Variants in CRISP3 observed in about 807,000 individuals in gnomAD.
CRISP3 encodes the protein cysteine rich secretory protein 3.
Under a neutral mutation model 36.1 loss-of-function variants are expected in CRISP3, and 33 were observed. That is an observed-to-expected ratio of 0.91 (90% CI 0.69 to 1.22). The LOEUF (loss-of-function observed/expected upper bound fraction) is 1.22. Ranked by LOEUF, CRISP3 falls within the 50% of genes most tolerant of loss-of-function variation. The pLI is 0.00. For synonymous variants in CRISP3, 117 were observed against 104.6 expected (o/e 1.12, Z -0.72); for missense variants, 330 against 301.2 (o/e 1.10, Z -0.71).
At position 49,735,513 on chromosome 6, in the gene CRISP3, G is replaced by T; in HGVS notation, c.307C>A (p.Arg103=). Residue 103 remains arginine, a synonymous_variant, in exon 4 of 8, where the codon CGA becomes AGA. Coordinates refer to ENST00000263045, the MANE Select transcript of CRISP3 (RefSeq NM_006061.4). The stretch of plus-strand genomic sequence containing the variant: ...TTCCTAATTTACATACTTGTCATTC[G>T]ATCCTTTGGGTTACTGTGTCTGTAA... ...CNYRHSNPKD[R]MTSLKCGENL... The T allele has an allele frequency of 2.5e-6, 4 of 1,605,956 alleles. No homozygotes were observed. Among genetic ancestry groups the T allele is most frequent in the East Asian group, 2.2e-5 (1 of 44,556 alleles).
chr6:49,732,902 A>G (rs1203095547), intron 6 of CRISP3, among the ~76,000 whole-genome samples: 1 of 152,184 alleles, frequency 6.6e-6, no homozygotes, highest in African/African-American at 2.4e-5. Flanking sequence ...TATTTAGATA[A>G]CTACACACTA....
intron 7 of CRISP3, 81 bp downstream of exon 7, chr6:49,731,082 G>A: frequency 9.9e-7 from 1 of 1,009,202 alleles, no homozygotes; most frequent in Non-Finnish European, 1.5e-6. Context: ...TGCTTAAGTT[G>A]GTTGTCTTCA....
Position 49,728,680 on chromosome 6 carries a change from A to G in CRISP3, c.*50T>C. 1 of 1,464,050 alleles carries G rather than the reference A, an allele frequency of 6.8e-7. No individual in the cohort carries two copies. The highest frequency in any genetic ancestry group is 9.1e-7 in the Non-Finnish European group (1 of 1,097,718). 90.7% of individuals were successfully genotyped at this position (1,464,050 alleles called of 1,614,324 possible). ...ATCTAAGTAGATGCCAAATCTAAGT[A>G]GATAATCTGACTCCTCTCTACATAG... On this transcript the variant is annotated 3_prime_UTR_variant, in exon 8 of 8. Transcript: ENST00000263045.
chr6:49,732,676 G>GAAATAA, intron 6 of CRISP3, among the ~76,000 whole-genome samples: 1 of 151,994 alleles, frequency 6.6e-6, no homozygotes, highest in Non-Finnish European at 1.5e-5. Flanking sequence ...AATATATTGG[G>GAAATAA]GATCTCTTAA....
intron 4 of CRISP3, among the ~76,000 whole-genome samples, chr6:49,734,703 T>C (rs928439277): frequency 2.0e-5 from 3 of 152,140 alleles, no homozygotes; most frequent in Admixed American, 6.6e-5. Context: ...AAATTTATTA[T>C]AGTTTTATAT....
intron 1 of CRISP3, among the ~76,000 whole-genome samples, chr6:49,743,384 A>T (rs1479392139): frequency 2.0e-5 from 3 of 152,170 alleles, no homozygotes; most frequent in Non-Finnish European, 4.4e-5. Context: ...ACTTGTCATC[A>T]ATTTAATTTC....
At chr6:49,741,151 C>CAAA (rs10616289) in intron 1 of CRISP3, among the ~76,000 whole-genome samples, 17,118 of 135,036 alleles carry the variant, frequency 0.13, 1,180 homozygotes, top group African/African-American at 0.18. Context: ...AAAAAACCAC[C>CAAA]AAAAAAAAAA....
intron 1 of CRISP3, among the ~76,000 whole-genome samples, chr6:49,739,323 G>T (rs2127453044): frequency 6.6e-6 from 1 of 152,280 alleles, no homozygotes; most frequent in South Asian, 2.1e-4. Flanking sequence ...ACTCTATTCA[G>T]GATAACATGT....
At chr6:49,736,314 A>T in intron 3 of CRISP3, 77 bp downstream of exon 3, 1 of 890,604 alleles carries the variant, frequency 1.1e-6, no homozygotes, top group Non-Finnish European at 1.8e-6. Context: ...CAAAGTTATT[A>T]AGAGATATTA....
intron 7 of CRISP3, among the ~76,000 whole-genome samples, chr6:49,729,317 A>G (rs1768856546): frequency 6.6e-6 from 1 of 152,170 alleles, no homozygotes; most frequent in Admixed American, 6.5e-5. Flanking sequence ...TTATAGGAAT[A>G]TTGAACATCT....
At chr6:49,740,650 C>T (rs549131243) in intron 1 of CRISP3, among the ~76,000 whole-genome samples, 64 of 138,840 alleles carry the variant, frequency 4.6e-4, no homozygotes, top group Middle Eastern at 3.5e-3. Flanking sequence ...GGGAGTGCTG[C>T]ATCCAACAGC....
chr6:49,732,561 G>C (rs1309539981), intron 6 of CRISP3, among the ~76,000 whole-genome samples: 2 of 152,022 alleles, frequency 1.3e-5, no homozygotes, highest in Non-Finnish European at 2.9e-5. Flanking sequence ...GAAAACCCGA[G>C]ATAATTAAGA....
Position 49,733,244 on chromosome 6 carries a change from G to A in CRISP3, c.511C>T (p.Pro171Ser). ...TAGTATTTTAGAACTTTTTGATTGG[G>A]ACAGTAGGCATTTCCACATCCAACG... is the stretch of plus-strand genomic sequence containing the variant. ...YLVGCGNAYC[P>S]NQKVLKYYYV... Residue 171 changes from proline to serine, a missense_variant, in exon 6 of 8, where the codon CCC becomes TCC. Coordinates refer to ENST00000263045, the MANE Select transcript of CRISP3 (RefSeq NM_006061.4). 6.2e-7 allele frequency: 1 copy of A among 1,611,466 alleles called. No individual in the cohort carries two copies. Among genetic ancestry groups the A allele is most frequent in the South Asian group, 1.1e-5 (1 of 90,654 alleles).
At chr6:49,730,239 T>G (rs1196427310) in intron 7 of CRISP3, among the ~76,000 whole-genome samples, 1 of 152,154 alleles carries the variant, frequency 6.6e-6, no homozygotes, top group Non-Finnish European at 1.5e-5. Flanking sequence ...AATGAAATTG[T>G]ATGAGATATA....
chr6:49,736,982 T>C (rs1228725257), intron 2 of CRISP3, among the ~76,000 whole-genome samples: 2 of 152,118 alleles, frequency 1.3e-5, no homozygotes, highest in Admixed American at 1.3e-4. Context: ...AGTGCATGTG[T>C]AACATGCAAT....
chr6:49,729,638 G>A (rs1325613651), intron 7 of CRISP3, among the ~76,000 whole-genome samples: 1 of 152,034 alleles, frequency 6.6e-6, no homozygotes, highest in Non-Finnish European at 1.5e-5. Flanking sequence ...ATTCAAGCCA[G>A]GATCCAGGAA....
intron 5 of CRISP3, 53 bp from the exon 6 acceptor site, chr6:49,733,345 C>A (rs893980989): frequency 3.0e-5 from 36 of 1,186,090 alleles, no homozygotes; most frequent in South Asian, 7.1e-5. Context: ...AAGGAAATAC[C>A]AAAAAACAAA....
chr6:49,742,296 A>G (rs1052722378), intron 1 of CRISP3, among the ~76,000 whole-genome samples: 3 of 152,202 alleles, frequency 2.0e-5, no homozygotes, highest in African/African-American at 7.2e-5. Flanking sequence ...TTTAATTCCA[A>G]TACAAATTTT....
intron 3 of CRISP3, among the ~76,000 whole-genome samples, chr6:49,735,878 G>C (rs1411638714): frequency 2.6e-5 from 4 of 152,106 alleles, no homozygotes; most frequent in Admixed American, 6.6e-5. Context: ...TAATGGTCCT[G>C]TTCTAAATAT....
Sources: allele counts gnomAD v4.1 joint callset (sites outside exome capture counted in the v4.1 genomes callset), GRCh38; gene constraint gnomAD v4.1.1; transcripts MANE v1.5; gene names NCBI Gene and HGNC (gene_info 2026-07-23, HGNC 2026-07-21).